RPA1: variants seen among roughly 807,000 people sequenced by gnomAD.
RPA1 encodes replication protein A 70 kDa DNA-binding subunit.
RPA1 carries 49 observed loss-of-function variants against 83.0 expected under a neutral mutation model. That is an observed-to-expected ratio of 0.59 (90% CI 0.47 to 0.75). RPA1 has a LOEUF of 0.75. Ranked by LOEUF, RPA1 falls within the 30% of genes least tolerant of loss-of-function variation. RPA1 has a pLI of 0.00. For synonymous variants in RPA1, 279 were observed against 281.8 expected (o/e 0.99, Z 0.10); for missense variants, 693 against 776.1 (o/e 0.89, Z 1.27).
intron 4 of RPA1, among the ~76,000 whole-genome samples, chr17:1,845,162 T>TTGTGTGTC (rs375097291): frequency 7.1e-6 from 1 of 141,606 alleles, no homozygotes; most frequent in African/African-American, 2.6e-5. Flanking sequence ...TAATGCTGCT[T>TTGTGTGTC]TGTGTGTGTG....
chr17:1,857,272 T>TC (rs1211587510), intron 5 of RPA1, among the ~76,000 whole-genome samples: 3 of 151,080 alleles, frequency 2.0e-5, no homozygotes, highest in Admixed American at 1.3e-4. Flanking sequence ...TTTTTCTTTT[T>TC]TTTTTTTCAA....
chr17:1,879,222 A>G lies in RPA1; in HGVS notation c.767A>G (p.Tyr256Cys). 1 of 1,613,690 alleles carries G rather than the reference A, an allele frequency of 6.2e-7. No homozygotes were observed. Among genetic ancestry groups the G allele is most frequent in the Middle Eastern group, 1.6e-4 (1 of 6,062 alleles). Residue 256 changes from tyrosine (Y) to cysteine (C), a missense_variant, in exon 10 of 17, where the codon TAT (tyrosine) becomes TGT (cysteine). Tyr to Cys is a radical substitution (Grantham distance 194). Transcript: ENST00000254719. ...FPLIEVNKVY[Y>C]FSKGTLKIAN... ...GCTTGGCCTCCTTCGCAGGTGTATT[A>G]TTTCTCGAAAGGCACCCTGAAGATT...
chr17:1,832,630 A>G lies in RPA1; in HGVS notation c.33+2504A>G, dbSNP rs554622089. 1.3e-4 allele frequency among the ~76,000 whole-genome samples: 19 copies of G among 151,792 alleles called. No individual in the cohort carries two copies. In the South Asian group the frequency reaches 3.8e-3, roughly 30 times the overall value. Reference sequence around the variant, plus strand: ...TCGAACTCCTGACCTCAAGCAATCCACCTGCTTCGGCCTCCCAGAGTGCTG... The same window carrying G: ...TCGAACTCCTGACCTCAAGCAATCCGCCTGCTTCGGCCTCCCAGAGTGCTG... On this transcript the variant is annotated intron_variant, in intron 1 of 16. Transcript: ENST00000254719.
chr17:1,848,011 A>G (rs1597425850), intron 4 of RPA1, among the ~76,000 whole-genome samples: 2 of 62,470 alleles, frequency 3.2e-5, no homozygotes, highest in African/African-American at 6.7e-5. Context: ...CCCCATCTCC[A>G]AAAAAAAAAA....
Position 1,897,094 on chromosome 17 carries a change from T to A in RPA1, c.1770T>A (p.Thr590=). 1.3e-6 allele frequency: 2 copies of A among 1,573,698 alleles called. No individual in the cohort carries two copies. The highest frequency in any genetic ancestry group is 1.7e-6 in the Non-Finnish European group (2 of 1,159,204). The change falls in exon 17 of 17, where the codon ACT becomes ACA. Residue 590 remains threonine, a synonymous_variant. Coordinates refer to ENST00000254719, the MANE Select transcript of RPA1 (RefSeq NM_002945.5). ...TYNDESRIKA[T]VMDVKPVDYR... ...AGGACGAGTCTCGAATTAAGGCCAC[T>A]GTGATGGACGTGAAGCCCGTGGACT...
intron 4 of RPA1, among the ~76,000 whole-genome samples, chr17:1,850,131 C>T (rs1912432581): frequency 1.3e-5 from 2 of 150,598 alleles, no homozygotes; most frequent in Admixed American, 1.3e-4. Flanking sequence ...GAGATCGCCC[C>T]ACTGCACTCT....
chr17:1,895,211 C>T (rs751214350), intron 16 of RPA1, 116 bp downstream of exon 16: 1 of 718,348 alleles, frequency 1.4e-6, no homozygotes, highest in Non-Finnish European at 2.3e-6. Context: ...GACCCCGGTG[C>T]TGACTTTGCC....
intron 5 of RPA1, among the ~76,000 whole-genome samples, chr17:1,857,758 A>T (rs1184028185): frequency 1.4e-5 from 2 of 142,602 alleles, no homozygotes; most frequent in African/African-American, 5.2e-5. Context: ...TCAAAGCCCA[A>T]TATGGAGAGA....
chr17:1,830,914 C>T (rs1336669144), intron 1 of RPA1, among the ~76,000 whole-genome samples: 3 of 151,802 alleles, frequency 2.0e-5, no homozygotes, highest in South Asian at 2.1e-4. Flanking sequence ...TACATGTGTG[C>T]GCCACCACAC....
In RPA1 at chr17:1,898,225, GAAATGCATCTTTC is replaced by G. The variant is rs1395048485; in HGVS notation, c.*1054_*1066del. The G allele has an allele frequency of 6.6e-6, 1 of 152,188 alleles. No individual in the cohort carries two copies. The highest frequency in any genetic ancestry group is 1.5e-5 in the Non-Finnish European group (1 of 68,028). The allele number at this position is 152,188 out of a possible 1,614,324, so 9.4% of individuals were successfully genotyped here. A position where few individuals can be genotyped will look rare whatever the true frequency, so the allele number is the denominator to read the frequency against. On this transcript the variant is annotated 3_prime_UTR_variant, in exon 17 of 17. Coordinates refer to ENST00000254719, the MANE Select transcript of RPA1 (RefSeq NM_002945.5). ...CCTTCTTCCTAGTGTTTGCAGCCCT[GAAATGCATCTTTC>G]AAAGCATGAAAACACTAAAAACAAA...
In RPA1 at chr17:1,884,407, C is replaced by A. The variant is rs1324446478; in HGVS notation, c.1374+463C>A. On this transcript the variant is annotated intron_variant, in intron 13 of 16. Coordinates refer to ENST00000254719, the MANE Select transcript of RPA1 (RefSeq NM_002945.5). The surrounding 1 kb of genome is among the most constrained non-coding windows in gnomAD (Gnocchi z 4.1). ...TAGAATAGTGTATTAACCTCATAGG[C>A]TGAGAGCTGCCGGCATTCCCGGACA... Among the ~76,000 whole-genome samples the A allele has an allele frequency of 6.6e-6, 1 of 152,174 alleles. No individual in the cohort carries two copies. Among genetic ancestry groups the A allele is most frequent in the Non-Finnish European group, 1.5e-5 (1 of 68,030 alleles).
At chr17:1,871,179 T>C (rs1913364863) in intron 5 of RPA1, among the ~76,000 whole-genome samples, 1 of 152,188 alleles carries the variant, frequency 6.6e-6, no homozygotes, top group African/African-American at 2.4e-5. Flanking sequence ...ACACAAAAAT[T>C]TCACTGTCAA....
chr17:1,896,030 A>G (rs989583929), intron 16 of RPA1, among the ~76,000 whole-genome samples: 10 of 152,128 alleles, frequency 6.6e-5, no homozygotes, highest in Non-Finnish European at 1.3e-4. Context: ...CTGCCAGGTA[A>G]CTGTTCTACA....
chr17:1,889,826 C>T (rs1914136482), intron 14 of RPA1, among the ~76,000 whole-genome samples: 1 of 151,752 alleles, frequency 6.6e-6, no homozygotes, highest in East Asian at 2.0e-4. Context: ...ATGGTGAAAC[C>T]CTGTCTCTAC....
In RPA1 at chr17:1,886,705, CTTTTT is replaced by C. The variant is rs57659628; in HGVS notation, c.1375-1955_1375-1951del. Among the ~76,000 whole-genome samples the C allele has an allele frequency of 4.8e-3, 606 of 125,422 alleles. 3 individuals are homozygous for C. The highest frequency in any genetic ancestry group is 0.012 in the African/African-American group (383 of 32,984). The allele number at this position is 125,422 out of a possible 152,430, so 82.3% of individuals were successfully genotyped here. On this transcript the variant is annotated intron_variant, in intron 13 of 16. Coordinates refer to ENST00000254719, the MANE Select transcript of RPA1 (RefSeq NM_002945.5). ...CTGGCTGCCATCTTTTCTTCTGCAG[CTTTTT>C]TTTTTTTTTTTTTTGAGACAGAGTC...
intron 8 of RPA1, 128 bp from the exon 9 acceptor site, chr17:1,878,865 C>T: frequency 1.2e-6 from 1 of 833,132 alleles, no homozygotes. Context: ...CCTGTTTGTG[C>T]AAGGGCCACT....
chr17:1,889,533 G>A (rs916736641), intron 14 of RPA1, among the ~76,000 whole-genome samples: 3 of 151,870 alleles, frequency 2.0e-5, no homozygotes, highest in African/African-American at 7.3e-5. Context: ...TAGAGACAGG[G>A]TCTCGCTCTG....
Position 1,830,125 on chromosome 17 carries a change from C to T in RPA1, c.32C>T (p.Ala11Val). 1 of 1,247,054 alleles carries T rather than the reference C, an allele frequency of 8.0e-7. No individual in the cohort carries two copies. 77.2% of individuals were successfully genotyped at this position (1,247,054 alleles called of 1,614,324 possible). A position where few individuals can be genotyped will look rare whatever the true frequency, so the allele number is the denominator to read the frequency against. Residue 11 changes from alanine (A) to valine (V), a missense_variant and splice_region_variant, in exon 1 of 17, where the codon GCG becomes GTG. By Grantham distance (64) the Ala-to-Val change is moderately conservative. Coordinates refer to ENST00000254719, the MANE Select transcript of RPA1 (RefSeq NM_002945.5). MVGQLSEGAIAAIMQKGDTNI... is the reference protein window; with the variant it reads MVGQLSEGAIVAIMQKGDTNI... ...GGCCAACTGAGCGAGGGGGCCATTG[C>T]GGTGAGGAGGTGCCGGGGGCTGGGC...
intron 5 of RPA1, among the ~76,000 whole-genome samples, chr17:1,861,089 C>T (rs1478824798): frequency 6.6e-6 from 1 of 152,168 alleles, no homozygotes; most frequent in African/African-American, 2.4e-5. Flanking sequence ...CTCTGGCCTT[C>T]TCAGATGATT....
Sources: gnomAD v4.1 joint callset for allele counts (sites outside exome capture counted in the v4.1 genomes callset) on GRCh38, gnomAD v4.1.1 for gene constraint, Gnocchi (gnomAD v3.1) non-coding constraint, MANE v1.5 for transcripts, NCBI Gene and HGNC (gene_info 2026-07-23, HGNC 2026-07-21) for gene names.